The following TANC1 variants were observed in gnomAD, a reference collection of about 807,000 sequenced individuals.
The protein encoded by TANC1 is protein TANC1.
A neutral mutation model predicts 149.7 loss-of-function variants in TANC1; 77 were observed. The ratio of observed to expected loss-of-function variants is 0.51; its 90% CI spans 0.43 to 0.62. The LOEUF (loss-of-function observed/expected upper bound fraction) is 0.62, where lower values mean the gene tolerates loss of function less well. TANC1 is among the 20% of genes least tolerant of loss of function. TANC1 has a pLI of 0.00. For missense variants in TANC1, 1,985 were observed against 2,321.8 expected, an observed-to-expected ratio of 0.85 and a Z score of 2.98; for synonymous variants, 854 against 925.0, an observed-to-expected ratio of 0.92 and a Z score of 1.39.
chr2:159,136,250 A>T lies in TANC1; in HGVS notation c.316A>T (p.Ile106Leu). The T allele has an allele frequency of 6.2e-7, 1 of 1,613,736 alleles. No homozygotes were observed. The highest frequency in any genetic ancestry group is 8.5e-7 in the Non-Finnish European group (1 of 1,179,632). ...ESPRVPGDAV[I>L]MPFREVAKPT... The stretch of plus-strand genomic sequence containing the variant: ...CCCCAGAGTGCCTGGAGATGCAGTT[A>T]TAATGCCATTCAGAGAAGTAGCCAA... Residue 106 changes from isoleucine (I) to leucine (L), a missense_variant, in exon 5 of 27, where the codon ATA becomes TTA. This residue lies in a region of TANC1 where 557 missense variants were observed against 612.9 expected (regional missense o/e 0.91). Transcript: ENST00000263635.
chr2:159,222,368 G>C (rs774071932), intron 22 of TANC1, among the ~76,000 whole-genome samples: 8 of 152,124 alleles, frequency 5.3e-5, no homozygotes, highest in Non-Finnish European at 1.0e-4. Flanking sequence ...TCTTGCAAAG[G>C]TGAAACTGTA....
intron 2 of TANC1, among the ~76,000 whole-genome samples, chr2:159,064,220 T>G (rs2042480097): frequency 6.6e-6 from 1 of 152,234 alleles, no homozygotes; most frequent in Non-Finnish European, 1.5e-5. Flanking sequence ...GTGTTTTCCA[T>G]CGGTTCCATA....
chr2:159,021,947 C>G (rs2038862923), intron 2 of TANC1, among the ~76,000 whole-genome samples: 2 of 152,216 alleles, frequency 1.3e-5, no homozygotes, highest in East Asian at 3.9e-4. Context: ...AAATTAAAAA[C>G]CTTAAAGCCT....
At chr2:159,215,264 A>G (rs1396339607) in intron 19 of TANC1, among the ~76,000 whole-genome samples, 3 of 152,160 alleles carry the variant, frequency 2.0e-5, no homozygotes, top group Admixed American at 2.0e-4. Flanking sequence ...TCCACGGGAG[A>G]GATGTGGCTA....
chr2:159,116,297 G>A (rs2048234931), intron 4 of TANC1, among the ~76,000 whole-genome samples: 1 of 152,018 alleles, frequency 6.6e-6, no homozygotes, highest in Admixed American at 6.5e-5. Context: ...TGTGGTGGCA[G>A]ATGCCTGTAA....
At chr2:159,179,757 TCTC>T (rs1467632208) in intron 14 of TANC1, among the ~76,000 whole-genome samples, 1 of 152,170 alleles carries the variant, frequency 6.6e-6, no homozygotes, top group Non-Finnish European at 1.5e-5. Flanking sequence ...GGGATGCAGT[TCTC>T]CTTGCTGCCT....
chr2:159,108,537 A>G (rs1307078266), intron 4 of TANC1, among the ~76,000 whole-genome samples: 1 of 152,098 alleles, frequency 6.6e-6, no homozygotes, highest in Non-Finnish European at 1.5e-5. Context: ...CTTTTTCATC[A>G]TTTCTGATTT....
chr2:158,993,019 C>T (rs980065392), intron 1 of TANC1, among the ~76,000 whole-genome samples: 1 of 152,136 alleles, frequency 6.6e-6, no homozygotes, highest in Non-Finnish European at 1.5e-5. Flanking sequence ...CTGGTATGAC[C>T]TCTTTGTCAT....
chr2:159,067,139 A>T (rs2149701132), intron 3 of TANC1, among the ~76,000 whole-genome samples: 1 of 152,354 alleles, frequency 6.6e-6, no homozygotes, highest in East Asian at 1.9e-4. Context: ...CTTTAATTCA[A>T]AAGATCTTGC....
chr2:159,191,250 G>C (rs2057419976), intron 16 of TANC1, among the ~76,000 whole-genome samples: 1 of 152,102 alleles, frequency 6.6e-6, no homozygotes, highest in Non-Finnish European at 1.5e-5. Context: ...CTGATGTGTG[G>C]GTCATCCCCA....
chr2:159,024,608 G>T (rs933228516), intron 2 of TANC1, among the ~76,000 whole-genome samples: 1 of 152,066 alleles, frequency 6.6e-6, no homozygotes, highest in Admixed American at 6.6e-5. Flanking sequence ...AAAATTAGCT[G>T]GGCATGGTGG....
chr2:159,081,078 C>G (rs1468011346), intron 3 of TANC1, among the ~76,000 whole-genome samples: 2 of 152,206 alleles, frequency 1.3e-5, no homozygotes, highest in East Asian at 1.9e-4. Context: ...GTCGAGCCAG[C>G]AGCTAGTCCA....
chr2:159,084,699 C>CCTGA (rs1432158999), intron 3 of TANC1, among the ~76,000 whole-genome samples: 2 of 152,178 alleles, frequency 1.3e-5, no homozygotes, highest in Non-Finnish European at 2.9e-5. Flanking sequence ...GTCAGCATGT[C>CCTGA]CAACATGACA....
At chr2:159,067,320 A>T (rs1232256189) in intron 3 of TANC1, among the ~76,000 whole-genome samples, 1 of 152,226 alleles carries the variant, frequency 6.6e-6, no homozygotes, top group African/African-American at 2.4e-5. Context: ...TAGAGCCTTT[A>T]TTGCAAGGCT....
At chr2:159,044,282 CA>C in intron 2 of TANC1, among the ~76,000 whole-genome samples, 1 of 152,098 alleles carries the variant, frequency 6.6e-6, no homozygotes, top group Non-Finnish European at 1.5e-5. Flanking sequence ...CAGAACAAAA[CA>C]AAAATGGCTG....
chr2:159,135,090 C>A (rs1039496524), intron 4 of TANC1, among the ~76,000 whole-genome samples: 2 of 152,156 alleles, frequency 1.3e-5, no homozygotes, highest in African/African-American at 4.8e-5. Context: ...TATCCCTTAC[C>A]ATTACCCCAC....
chr2:159,055,292 G>T (rs1020600047), intron 2 of TANC1, among the ~76,000 whole-genome samples: 2 of 152,238 alleles, frequency 1.3e-5, no homozygotes, highest in African/African-American at 4.8e-5. Context: ...ACCCTAGGTG[G>T]TTCTCCAGGA....
chr2:159,160,475 C>T (rs904194697), intron 7 of TANC1, among the ~76,000 whole-genome samples: 1 of 152,104 alleles, frequency 6.6e-6, no homozygotes. Context: ...AGAAAGATGT[C>T]GTTTATTGGA....
intron 25 of TANC1, 95 bp downstream of exon 25, chr2:159,228,060 C>A: frequency 7.3e-7 from 1 of 1,373,322 alleles, no homozygotes. Context: ...GATCCTGGGC[C>A]CTCCTGTCCA....
Sources: gnomAD v4.1 joint callset for allele counts (sites outside exome capture counted in the v4.1 genomes callset) on GRCh38, gnomAD v4.1.1 for gene constraint, gnomAD v4.1.1 regional missense constraint, MANE v1.5 for transcripts, NCBI Gene and HGNC (gene_info 2026-07-23, HGNC 2026-07-21) for gene names.